The following ZNF215 variants were observed in gnomAD, a reference collection of about 807,000 sequenced individuals.
ZNF215 encodes the protein BWSCR2-associated zinc finger protein 2.
ZNF215 carries 24 observed loss-of-function variants against 27.2 expected under a neutral mutation model. The ratio of observed to expected loss-of-function variants is 0.88; its 90% CI spans 0.64 to 1.24. ZNF215 has a LOEUF of 1.24. ZNF215 is among the 50% of genes most tolerant of loss of function. ZNF215 has a pLI of 0.00. For missense variants in ZNF215, 675 were observed against 605.7 expected (o/e 1.11, Z -1.20); for synonymous variants, 210 against 204.0 (o/e 1.03, Z -0.25).
Position 6,957,806 on chromosome 11 carries a change from C to T in ZNF215, c.*1275C>T, listed in dbSNP as rs1185423947. ...CCTTAGGTATATCATTTATACCAGA[C>T]ATTATGAAGTTATTAAAGTCTCCTA... On this transcript the variant is annotated 3_prime_UTR_variant, in exon 7 of 7. Transcript: ENST00000278319. 16 of 985,262 alleles carry T rather than the reference C, an allele frequency of 1.6e-5. 1 individual carries two copies. In the South Asian group the frequency reaches 4.2e-4, roughly 26 times the overall value. 61.0% of individuals were successfully genotyped at this position (985,262 alleles called of 1,614,324 possible).
chr11:6,991,158 G>T (rs1303933176), downstream of ZNF215, among the ~76,000 whole-genome samples: 2 of 152,194 alleles, frequency 1.3e-5, no homozygotes, highest in Non-Finnish European at 2.9e-5. Context: ...TGTGGGAAAG[G>T]GCAAAGAGTC....
chr11:6,955,750 A>C lies in ZNF215; in HGVS notation c.773A>C (p.Glu258Ala). 6.2e-7 allele frequency: 1 copy of C among 1,606,340 alleles called. No individual in the cohort carries two copies. Among genetic ancestry groups the C allele is most frequent in the South Asian group, 1.1e-5 (1 of 88,830 alleles). The change falls in exon 7 of 7, where the codon GAA becomes GCA. Residue 258 changes from glutamate (E) to alanine (A), a missense_variant. Coordinates refer to ENST00000278319, the MANE Select transcript of ZNF215 (RefSeq NM_013250.4). Reference sequence around the variant, plus strand: ...GGAGTGATTATGACAAGGCTTACCGAAAGTGGACACCCTTCTTCAGATGCC... The same window carrying C: ...GGAGTGATTATGACAAGGCTTACCGCAAGTGGACACCCTTCTTCAGATGCC... ...SHGVIMTRLT[E>A]SGHPSSDAWK...
chr11:6,936,695 C>A (rs1849447083), intron 3 of ZNF215, among the ~76,000 whole-genome samples: 1 of 151,856 alleles, frequency 6.6e-6, no homozygotes, highest in African/African-American at 2.4e-5. Flanking sequence ...AATGGCAAAC[C>A]AAATCCAATA....
chr11:6,934,073 G>C (rs1041423121), intron 3 of ZNF215, among the ~76,000 whole-genome samples: 2 of 152,154 alleles, frequency 1.3e-5, no homozygotes, highest in African/African-American at 4.8e-5. Context: ...ATTGGGGACA[G>C]TGATTATATT....
intron 6 of ZNF215, among the ~76,000 whole-genome samples, chr11:6,948,131 G>A (rs74564464): frequency 0.025 from 3,800 of 152,292 alleles, 76 homozygotes; most frequent in Non-Finnish European, 0.037. Context: ...TCAGGATGGG[G>A]AGTGTGGCAA....
chr11:6,947,092 T>C lies in ZNF215; in HGVS notation c.712+3451T>C, dbSNP rs984656245. ...CTTTTTTAAAATTTATGTAACTCTG[T>C]ATTTCCCCATTGTTTTATATCTGTT... On this transcript the variant is annotated intron_variant, in intron 6 of 6. Coordinates refer to ENST00000278319, the MANE Select transcript of ZNF215 (RefSeq NM_013250.4). Among the ~76,000 whole-genome samples the C allele has an allele frequency of 3.3e-5, 5 of 152,366 alleles. No homozygotes were observed. The East Asian group carries it at 9.6e-4, about 29-fold the overall frequency.
At chr11:6,975,532 C>T (rs1850814846) in intron 5 of ZNF215, among the ~76,000 whole-genome samples, 1 of 151,916 alleles carries the variant, frequency 6.6e-6, no homozygotes. Context: ...CTACCCTTTC[C>T]AGCCTCTGAT....
rs1850387349 is a variant in ZNF215, at chr11:6,957,038, T to C, written c.*507T>C. ...ATGGCTAAGACAACAGTAACAGCCATTTACTCCACTCCTGACAATACCCTT... is the reference window on the plus strand; with the variant it reads ...ATGGCTAAGACAACAGTAACAGCCACTTACTCCACTCCTGACAATACCCTT... On this transcript the variant is annotated 3_prime_UTR_variant, in exon 7 of 7. Coordinates refer to ENST00000278319, the MANE Select transcript of ZNF215 (RefSeq NM_013250.4). 4 of 986,642 alleles carry C rather than the reference T, an allele frequency of 4.1e-6. No individual in the cohort carries two copies. Among genetic ancestry groups the C allele is most frequent in the Non-Finnish European group, 4.8e-6 (4 of 830,766 alleles). The allele number at this position is 986,642 out of a possible 1,614,324, so 61.1% of individuals were successfully genotyped here. A position where few individuals can be genotyped will look rare whatever the true frequency, so the allele number is the denominator to read the frequency against.
chr11:6,976,380 T>G (rs1388623371), intron 5 of ZNF215, among the ~76,000 whole-genome samples: 1 of 152,056 alleles, frequency 6.6e-6, no homozygotes. Flanking sequence ...TAATATCTTA[T>G]GATGAAAATA....
At chr11:6,985,031 C>T (rs1851032318), downstream of ZNF215, among the ~76,000 whole-genome samples, 1 of 152,066 alleles carries the variant, frequency 6.6e-6, no homozygotes, top group South Asian at 2.1e-4. Flanking sequence ...GAGGGGGGCT[C>T]CTCTATAACT....
At chr11:6,947,822 G>A (rs1849877237) in intron 6 of ZNF215, among the ~76,000 whole-genome samples, 1 of 152,180 alleles carries the variant, frequency 6.6e-6, no homozygotes, top group Non-Finnish European at 1.5e-5. Context: ...GCATTCCAGG[G>A]CTCAAATGGG....
chr11:6,989,990 G>A (rs528961375), downstream of ZNF215, among the ~76,000 whole-genome samples: 5 of 152,212 alleles, frequency 3.3e-5, no homozygotes, highest in African/African-American at 1.2e-4. Context: ...TCACCTACAT[G>A]GCAGGATGCA....
intron 6 of ZNF215, among the ~76,000 whole-genome samples, chr11:6,954,464 G>A (rs985092189): frequency 2.0e-5 from 3 of 152,218 alleles, no homozygotes; most frequent in African/African-American, 2.4e-5. Context: ...CCCCAGCCTC[G>A]CTGCCACCTT....
intron 2 of ZNF215, among the ~76,000 whole-genome samples, chr11:6,930,165 G>A (rs996324522): frequency 6.7e-6 from 1 of 148,388 alleles, no homozygotes; most frequent in African/African-American, 2.5e-5. Flanking sequence ...CCATGCTTAT[G>A]TTGCATGAGC....
intron 5 of ZNF215, among the ~76,000 whole-genome samples, chr11:6,982,772 A>G (rs867521556): frequency 0.021 from 3,160 of 152,084 alleles, 110 homozygotes; most frequent in African/African-American, 0.072. Flanking sequence ...GTAGAGGGAA[A>G]CTTATAGCAC....
chr11:6,978,117 T>C (rs1053151108), intron 5 of ZNF215, among the ~76,000 whole-genome samples: 2 of 152,068 alleles, frequency 1.3e-5, no homozygotes, highest in Non-Finnish European at 2.9e-5. Context: ...CCCATTGATA[T>C]GAAATGTCGA....
chr11:6,948,594 C>G (rs1005567379), intron 6 of ZNF215, among the ~76,000 whole-genome samples: 1 of 151,902 alleles, frequency 6.6e-6, no homozygotes, highest in Non-Finnish European at 1.5e-5. Context: ...CTATGATAGT[C>G]AAGTGGAGAT....
At chr11:6,961,476 A>T (rs1850516063), downstream of ZNF215, among the ~76,000 whole-genome samples, 1 of 152,174 alleles carries the variant, frequency 6.6e-6, no homozygotes, top group Admixed American at 6.5e-5. Flanking sequence ...TGGGGTGCCC[A>T]AATTCTCAGC....
intron 5 of ZNF215, among the ~76,000 whole-genome samples, chr11:6,981,540 T>G (rs1463491999): frequency 1.3e-5 from 2 of 152,278 alleles, no homozygotes; most frequent in Middle Eastern, 3.4e-3. Context: ...TTGTGAAAAT[T>G]TTCTCCCATT....
Sources: gnomAD v4.1 joint callset for allele counts (sites outside exome capture counted in the v4.1 genomes callset) on GRCh38, gnomAD v4.1.1 for gene constraint, MANE v1.5 for transcripts, NCBI Gene and HGNC (gene_info 2026-07-23, HGNC 2026-07-21) for gene names.